Variants in CYP4Z1 observed in about 807,000 individuals in gnomAD.
The protein encoded by CYP4Z1 is cytochrome P450 family 4 subfamily Z member 1, also known as cytochrome P450 4Z1.
Under a neutral mutation model 54.2 loss-of-function variants are expected in CYP4Z1, and 41 were observed. The ratio of observed to expected loss-of-function variants is 0.76; its 90% CI spans 0.59 to 0.98. CYP4Z1 has a LOEUF of 0.98. Among genes scored for constraint, CYP4Z1 ranks in the 50% least tolerant of loss-of-function variants. The pLI, the probability that CYP4Z1 is intolerant of heterozygous loss-of-function variation, is 0.00. For missense variants in CYP4Z1, 513 were observed against 599.0 expected, an observed-to-expected ratio of 0.86 and a Z score of 1.50; for synonymous variants, 163 against 206.2, an observed-to-expected ratio of 0.79 and a Z score of 1.79.
chr1:47,095,127 T>C (rs535386452), intron 7 of CYP4Z1, among the ~76,000 whole-genome samples: 2 of 152,200 alleles, frequency 1.3e-5, no homozygotes, highest in Non-Finnish European at 2.9e-5. Context: ...ATCTGGGCAC[T>C]TGTCTGTCTT....
At chr1:47,097,568 C>G (rs1489267629) in intron 7 of CYP4Z1, among the ~76,000 whole-genome samples, 1 of 152,032 alleles carries the variant, frequency 6.6e-6, no homozygotes, top group Non-Finnish European at 1.5e-5. Flanking sequence ...ATAGGGAATC[C>G]TTTTTCCATT....
intron 9 of CYP4Z1, among the ~76,000 whole-genome samples, chr1:47,112,807 G>A (rs1644803145): frequency 6.6e-6 from 1 of 151,956 alleles, no homozygotes; most frequent in Non-Finnish European, 1.5e-5. Flanking sequence ...TGAAAAGATT[G>A]TTCAATATTA....
At chr1:47,113,536 G>A (rs1469472427) in intron 9 of CYP4Z1, among the ~76,000 whole-genome samples, 2 of 152,130 alleles carry the variant, frequency 1.3e-5, no homozygotes, top group Non-Finnish European at 2.9e-5. Flanking sequence ...TTCTTAAATG[G>A]TTAACGAAAT....
In CYP4Z1 at chr1:47,116,766, G is replaced by C. The variant is rs568678803; in HGVS notation, c.1349+34G>C. Reference sequence around the variant, plus strand: ...TCAAGCTGGTGAACTTGATGGAAATGTGTAATAGTGCTTACCTGACAAGTG... The same window carrying C: ...TCAAGCTGGTGAACTTGATGGAAATCTGTAATAGTGCTTACCTGACAAGTG... On this transcript the variant is annotated intron_variant, in intron 11 of 11. Coordinates refer to ENST00000334194, the MANE Select transcript of CYP4Z1 (RefSeq NM_178134.3). 7 of 1,487,016 alleles carry C rather than the reference G, an allele frequency of 4.7e-6. No homozygotes were observed. The Admixed American group carries it at 6.9e-5, about 15-fold the overall frequency. The allele number at this position is 1,487,016 out of a possible 1,614,324, so 92.1% of individuals were successfully genotyped here.
intron 4 of CYP4Z1, among the ~76,000 whole-genome samples, chr1:47,083,037 G>A (rs1273221947): frequency 1.3e-5 from 2 of 152,160 alleles, no homozygotes; most frequent in Non-Finnish European, 2.9e-5. Flanking sequence ...AGTTTGGATG[G>A]CAAAGACATG....
In CYP4Z1 at chr1:47,068,615, AT is replaced by A. The variant is rs780896746; in HGVS notation, c.178-6del. ...TTACTAACCAGTCATGACTTATCTT[AT>A]GACAGTTTTACCCAGTAAAGGAGTT... On this transcript the variant is annotated splice_polypyrimidine_tract_variant and splice_region_variant and intron_variant, in intron 1 of 11. Transcript: ENST00000334194. 1 of 1,613,760 alleles carries A rather than the reference AT, an allele frequency of 6.2e-7. No homozygotes were observed. The highest frequency in any genetic ancestry group is 1.1e-5 in the South Asian group (1 of 90,976).
chr1:47,086,567 T>G (rs1276062917), intron 6 of CYP4Z1, among the ~76,000 whole-genome samples: 3 of 152,246 alleles, frequency 2.0e-5, no homozygotes, highest in African/African-American at 4.8e-5. Flanking sequence ...TAAATTTGTT[T>G]GAGTTCTTTG....
chr1:47,102,635 G>A (rs1331547285), intron 8 of CYP4Z1, among the ~76,000 whole-genome samples: 2 of 152,130 alleles, frequency 1.3e-5, no homozygotes, highest in Admixed American at 1.3e-4. Flanking sequence ...CACTTCAAAT[G>A]TATCATCCCA....
intron 6 of CYP4Z1, among the ~76,000 whole-genome samples, chr1:47,092,066 A>G (rs1243751027): frequency 6.6e-6 from 1 of 152,012 alleles, no homozygotes; most frequent in Non-Finnish European, 1.5e-5. Flanking sequence ...CTGCTGGACC[A>G]TCTGTGAGAG....
At chr1:47,113,730 A>G (rs905177705) in intron 9 of CYP4Z1, among the ~76,000 whole-genome samples, 3 of 152,184 alleles carry the variant, frequency 2.0e-5, no homozygotes, top group Non-Finnish European at 4.4e-5. Flanking sequence ...TAGGAATCCA[A>G]CTTACAAGGG....
the CYP4Z1 span, among the ~76,000 whole-genome samples, chr1:47,056,018 T>G: frequency 7.8e-4 from 119 of 152,354 alleles, 2 homozygotes; most frequent in South Asian, 0.023. Context: ...TGTTAGGGTG[T>G]CAATTTTATA....
intron 6 of CYP4Z1, among the ~76,000 whole-genome samples, chr1:47,088,919 G>A (rs565273728): frequency 6.0e-4 from 88 of 147,532 alleles, no homozygotes; most frequent in African/African-American, 2.2e-3. Flanking sequence ...ACTGTGCTCA[G>A]CCAAGGTTTA....
chr1:47,092,004 A>C lies in CYP4Z1; in HGVS notation c.773-2562A>C, dbSNP rs2813851. ...AATCACCCAGGGCTCCCGTGCTGTA[A>C]TAGCAGTTTGAGCCACTGGAGTCGG... On this transcript the variant is annotated intron_variant, in intron 6 of 11. Coordinates refer to ENST00000334194, the MANE Select transcript of CYP4Z1 (RefSeq NM_178134.3). Among the ~76,000 whole-genome samples the C allele has an allele frequency of 9.3e-3, 1,417 of 151,988 alleles. 10 individuals carry two copies. Among genetic ancestry groups the C allele is most frequent in the Non-Finnish European group, 0.014 (963 of 67,994 alleles).
At chr1:47,062,254 G>A (rs1644428235), upstream of CYP4Z1, among the ~76,000 whole-genome samples, 1 of 152,146 alleles carries the variant, frequency 6.6e-6, no homozygotes, top group Admixed American at 6.5e-5. Flanking sequence ...GCTCCCACTT[G>A]GACAGAACAG....
chr1:47,115,460 T>G, intron 9 of CYP4Z1, 69 bp from the exon 10 acceptor site: 1 of 1,430,692 alleles, frequency 7.0e-7, no homozygotes, highest in East Asian at 2.4e-5. Flanking sequence ...AAAAAAAAAG[T>G]AAAAGAGAAA....
intron 7 of CYP4Z1, chr1:47,096,942 C>G (rs1644682319): frequency 6.6e-6 from 1 of 152,134 alleles, no homozygotes; most frequent in Admixed American, 6.6e-5. Flanking sequence ...ATTAGCTATT[C>G]TTGATGCTCT....
At chr1:47,089,325 A>G (rs540062338) in intron 6 of CYP4Z1, among the ~76,000 whole-genome samples, 14 of 150,926 alleles carry the variant, frequency 9.3e-5, no homozygotes, top group Admixed American at 9.2e-4. Flanking sequence ...TTTTTTAATA[A>G]TTTTTTTTTA....
chr1:47,113,751 C>A (rs1214218596), intron 9 of CYP4Z1, among the ~76,000 whole-genome samples: 2 of 152,048 alleles, frequency 1.3e-5, no homozygotes, highest in East Asian at 3.9e-4. Flanking sequence ...ATGTGAAGGA[C>A]CTCTTCAAGG....
chr1:47,108,681 T>C (rs1027192079), intron 9 of CYP4Z1, among the ~76,000 whole-genome samples: 1 of 152,198 alleles, frequency 6.6e-6, no homozygotes, highest in African/African-American at 2.4e-5. Flanking sequence ...AACAAGTGCA[T>C]ATTAAACATT....
Sources: allele counts gnomAD v4.1 joint callset (sites outside exome capture counted in the v4.1 genomes callset), GRCh38; gene constraint gnomAD v4.1.1; transcripts MANE v1.5; gene names NCBI Gene and HGNC (gene_info 2026-07-23, HGNC 2026-07-21).